Variants in CAPRIN2 observed in about 807,000 individuals in gnomAD.
CAPRIN2 encodes caprin-2.
CAPRIN2 carries 66 observed loss-of-function variants against 130.4 expected under a neutral mutation model. That is an observed-to-expected ratio of 0.51 (90% CI 0.42 to 0.62). CAPRIN2 has a LOEUF of 0.62. Among genes scored for constraint, CAPRIN2 ranks in the 20% least tolerant of loss-of-function variants. The pLI is 0.00. For missense variants in CAPRIN2, 1,185 were observed against 1,246.6 expected (o/e 0.95, Z 0.74); for synonymous variants, 471 against 444.1 (o/e 1.06, Z -0.76).
intron 2 of CAPRIN2, among the ~76,000 whole-genome samples, chr12:30,744,362 T>C (rs2068885637): frequency 6.6e-6 from 1 of 152,228 alleles, no homozygotes; most frequent in Admixed American, 6.5e-5. Flanking sequence ...ATCTGTACCA[T>C]TTCTGATGCC....
At chr12:30,744,154 T>C (rs532709603) in intron 2 of CAPRIN2, among the ~76,000 whole-genome samples, 4 of 152,326 alleles carry the variant, frequency 2.6e-5, no homozygotes, top group Admixed American at 2.6e-4. Context: ...CAAGCCATGC[T>C]GATTTTACCT....
chr12:30,739,918 T>C (rs2066634582), intron 3 of CAPRIN2, among the ~76,000 whole-genome samples: 1 of 152,158 alleles, frequency 6.6e-6, no homozygotes, highest in African/African-American at 2.4e-5. Flanking sequence ...AATATAGGCC[T>C]GAATGAAAAA....
intron 4 of CAPRIN2, among the ~76,000 whole-genome samples, chr12:30,734,371 C>A (rs148370081): frequency 6.6e-6 from 1 of 152,162 alleles, no homozygotes; most frequent in African/African-American, 2.4e-5. Flanking sequence ...CAGCATCTGT[C>A]CCCTAGCTGA....
rs1272219121 is a variant in CAPRIN2, at chr12:30,710,166, T to C, written c.2970A>G (p.Pro990=). 16 of 1,614,148 alleles carry C rather than the reference T, an allele frequency of 9.9e-6. No individual in the cohort carries two copies. Among genetic ancestry groups the C allele is most frequent in the Non-Finnish European group, 1.4e-5 (16 of 1,180,040 alleles). ...AAATGAAAACGTAAGTGCCATTCAC[T>C]GGGCAATTAAATCTACCAAGCTGAA... The change falls in exon 17 of 17, where the codon CCA becomes CCG. Residue 990 remains proline, a synonymous_variant. Transcript: ENST00000298892. This position sits in a 1 kb window ranked among gnomAD's most constrained non-coding sequence, Gnocchi z 4.8.
intron 2 of CAPRIN2, among the ~76,000 whole-genome samples, chr12:30,750,088 GC>G (rs1004550764): frequency 6.6e-6 from 1 of 152,166 alleles, no homozygotes; most frequent in Non-Finnish European, 1.5e-5. Context: ...TTAAAACAAA[GC>G]TATGCTGAAA....
At chr12:30,714,906 G>T (rs2056912708) in intron 14 of CAPRIN2, 53 bp downstream of exon 16, 1 of 1,457,376 alleles carries the variant, frequency 6.9e-7, no homozygotes. Context: ...TGTGAGTCAA[G>T]TAAACACACA....
intron 8 of CAPRIN2, 52 bp from the exon 10 acceptor site, chr12:30,726,140 A>C (rs941510373): frequency 2.2e-6 from 3 of 1,339,180 alleles, no homozygotes; most frequent in South Asian, 4.8e-5. Flanking sequence ...TCAAGAGCCT[A>C]ATCTAGGAAA....
exon 8 of CAPRIN2, chr12:30,729,133 A>G: frequency 6.2e-7 from 1 of 1,614,002 alleles, no homozygotes; most frequent in Non-Finnish European, 8.5e-7. Context: ...GCAGGCTTGG[A>G]TACCTCCTGG....
chr12:30,753,816 G>C (rs2075141309), exon 1 of CAPRIN2: 1 of 1,503,638 alleles, frequency 6.7e-7, no homozygotes, highest in African/African-American at 1.4e-5. Flanking sequence ...CCTTTACATA[G>C]GCAAAATCTC....
intron 2 of CAPRIN2, among the ~76,000 whole-genome samples, chr12:30,746,462 A>G (rs1188328867): frequency 1.3e-5 from 2 of 152,234 alleles, no homozygotes; most frequent in Non-Finnish European, 2.9e-5. Flanking sequence ...TGCAAACTCT[A>G]AACTACAAAC....
At chr12:30,715,121 T>C in exon 14 of CAPRIN2, 1 of 1,613,968 alleles carries the variant, frequency 6.2e-7, no homozygotes, top group East Asian at 2.2e-5. Context: ...ACTTGAATAG[T>C]TCCATCAGGA....
intron 3 of CAPRIN2, among the ~76,000 whole-genome samples, chr12:30,737,969 A>G (rs1164756881): frequency 6.6e-6 from 1 of 152,182 alleles, no homozygotes; most frequent in East Asian, 1.9e-4. Context: ...ATGAGGACAA[A>G]GCAGAATGTA....
intron 3 of CAPRIN2, among the ~76,000 whole-genome samples, chr12:30,735,826 A>G (rs2064482499): frequency 6.6e-6 from 1 of 152,138 alleles, no homozygotes; most frequent in Admixed American, 6.5e-5. Flanking sequence ...CAAAACAGAT[A>G]CAGAAAATCA....
At position 30,731,339 on chromosome 12, in the gene CAPRIN2, A is replaced by C; in HGVS notation, c.1060+4T>G. The C allele has an allele frequency of 1.2e-6, 2 of 1,611,176 alleles. No homozygotes were observed. The highest frequency in any genetic ancestry group is 1.7e-6 in the Non-Finnish European group (2 of 1,178,320). The stretch of plus-strand genomic sequence containing the variant: ...TATAAGGATTTTCAGAGGTCACAAC[A>C]AACCTGACTCTTTGACAGATTCAGT... On this transcript the variant is annotated splice_donor_region_variant and intron_variant, in intron 6 of 16. Transcript: ENST00000298892.
intron 2 of CAPRIN2, 49 bp downstream of exon 3, chr12:30,751,022 T>C (rs2073548597): frequency 7.4e-7 from 1 of 1,360,226 alleles, no homozygotes; most frequent in Non-Finnish European, 1.1e-6. Context: ...GTAGTTTTAT[T>C]AAGAAAAGAA....
chr12:30,750,079 TA>T (rs1287601521), intron 2 of CAPRIN2, among the ~76,000 whole-genome samples: 1 of 152,224 alleles, frequency 6.6e-6, no homozygotes, highest in Non-Finnish European at 1.5e-5. Context: ...ACCGTGATTT[TA>T]AAACAAAGCT....
Position 30,724,461 on chromosome 12 carries a change from T to C in CAPRIN2, c.1906-10A>G, listed in dbSNP as rs1177392999. On this transcript the variant is annotated splice_polypyrimidine_tract_variant and intron_variant, in intron 9 of 16. Transcript: ENST00000298892. The stretch of plus-strand genomic sequence containing the variant: ...AGTCAAGAACAGACTCCTAAAGATA[T>C]GATTTTAAATAAAGAGTGGAAACAG... The C allele has an allele frequency of 1.3e-6, 2 of 1,558,228 alleles. No individual in the cohort carries two copies. Among genetic ancestry groups the C allele is most frequent in the Admixed American group, 1.7e-5 (1 of 59,856 alleles).
At chr12:30,750,535 C>CT (rs80349176) in intron 2 of CAPRIN2, among the ~76,000 whole-genome samples, 4,738 of 143,772 alleles carry the variant, frequency 0.033, 214 homozygotes, top group African/African-American at 0.11. Context: ...TTATAGTAAG[C>CT]TTTTTTTTTT....
At chr12:30,753,055 A>C (rs1321089976) in intron 1 of CAPRIN2, among the ~76,000 whole-genome samples, 3 of 152,272 alleles carry the variant, frequency 2.0e-5, no homozygotes, top group Non-Finnish European at 2.9e-5. Flanking sequence ...CTATGAAAAG[A>C]AACATTAATA....
Sources: gnomAD v4.1 joint callset for allele counts (sites outside exome capture counted in the v4.1 genomes callset) on GRCh38, gnomAD v4.1.1 for gene constraint, Gnocchi (gnomAD v3.1) non-coding constraint, MANE v1.5 for transcripts, NCBI Gene and HGNC (gene_info 2026-07-23, HGNC 2026-07-21) for gene names.